NPAS2: variants seen among roughly 807,000 people sequenced by gnomAD.
NPAS2 encodes neuronal PAS domain protein 2, also known as neuronal PAS domain-containing protein 2.
A neutral mutation model predicts 107.5 loss-of-function variants in NPAS2; 23 were observed. The ratio of observed to expected loss-of-function variants is 0.21; its 90% confidence interval spans 0.15 to 0.30. NPAS2 has a LOEUF of 0.30. NPAS2 is among the 10% of genes least tolerant of loss of function. The pLI is 1.00. For missense variants in NPAS2, 756 were observed against 1,043.3 expected, an observed-to-expected ratio of 0.72 and a Z score of 3.79; for synonymous variants, 403 against 417.5, an observed-to-expected ratio of 0.97 and a Z score of 0.42.
intron 1 of NPAS2, among the ~76,000 whole-genome samples, chr2:100,864,348 A>G (rs1206819372): frequency 2.0e-5 from 3 of 152,204 alleles, no homozygotes; most frequent in African/African-American, 4.8e-5. Context: ...GTATATTTAA[A>G]TTGCTCACAA....
At chr2:100,905,180 G>A (rs1682064671) in intron 2 of NPAS2, among the ~76,000 whole-genome samples, 1 of 152,088 alleles carries the variant, frequency 6.6e-6, no homozygotes, top group Non-Finnish European at 1.5e-5. Context: ...GCTCTGTCTG[G>A]CTTTGGATAA....
Position 100,908,479 on chromosome 2 carries a change from T to A in NPAS2, c.32+3693T>A, listed in dbSNP as rs555408286. Among the ~76,000 whole-genome samples the A allele has an allele frequency of 1.1e-4, 17 of 152,284 alleles. 2 individuals are homozygous for A. Among genetic ancestry groups the A allele is most frequent in the African/African-American group, 4.1e-4 (17 of 41,550 alleles). ...AGGGATTCAAATGCACACATCTGTT[T>A]CTAAAGTCTGGGCTCCTAACAGCGT... On this transcript the variant is annotated intron_variant, in intron 2 of 20. Coordinates refer to ENST00000335681, the MANE Select transcript of NPAS2 (RefSeq NM_002518.4).
At chr2:100,855,640 G>C (rs1678507732) in intron 1 of NPAS2, among the ~76,000 whole-genome samples, 1 of 152,168 alleles carries the variant, frequency 6.6e-6, no homozygotes, top group Admixed American at 6.5e-5. Context: ...TTGCTCTCAT[G>C]TTTATCTCCC....
At chr2:100,904,868 C>A in intron 2 of NPAS2, 82 bp downstream of exon 2, 4 of 1,018,964 alleles carry the variant, frequency 3.9e-6, no homozygotes, top group Non-Finnish European at 6.1e-6. Context: ...GGCTTTCACT[C>A]TGTGCAGGTG....
At chr2:100,923,260 A>G (rs1683350874) in intron 2 of NPAS2, among the ~76,000 whole-genome samples, 1 of 152,170 alleles carries the variant, frequency 6.6e-6, no homozygotes, top group Admixed American at 6.5e-5. Context: ...GGGGAGAGGC[A>G]GGAAAAGACC....
intron 5 of NPAS2, among the ~76,000 whole-genome samples, chr2:100,945,523 G>C (rs1225140426): frequency 6.6e-6 from 1 of 152,166 alleles, no homozygotes; most frequent in Non-Finnish European, 1.5e-5. Context: ...TCTTTAAAAT[G>C]CACGAGCAGT....
At chr2:100,915,822 G>A (rs1444641084) in intron 2 of NPAS2, among the ~76,000 whole-genome samples, 1 of 152,010 alleles carries the variant, frequency 6.6e-6, no homozygotes, top group Admixed American at 6.5e-5. Context: ...AATGACACTA[G>A]ATAGAAACTT....
At chr2:100,860,684 A>G (rs1406294093) in intron 1 of NPAS2, among the ~76,000 whole-genome samples, 2 of 151,900 alleles carry the variant, frequency 1.3e-5, no homozygotes, top group South Asian at 2.1e-4. Context: ...GGGTTTGTAG[A>G]TTTCTTTTAT....
At chr2:100,939,305 A>G (rs1394803525) in intron 5 of NPAS2, among the ~76,000 whole-genome samples, 3 of 152,064 alleles carry the variant, frequency 2.0e-5, no homozygotes, top group Non-Finnish European at 4.4e-5. Flanking sequence ...AATCTAACCT[A>G]ATCTGTCTCC....
intron 1 of NPAS2, among the ~76,000 whole-genome samples, chr2:100,833,918 G>A (rs368967871): frequency 4.1e-4 from 62 of 152,242 alleles, no homozygotes; most frequent in African/African-American, 1.4e-3. Flanking sequence ...GGTTTTCAAC[G>A]GAACCAGGAG....
Position 100,926,424 on chromosome 2 carries a change from C to T in NPAS2, c.181+1130C>T, listed in dbSNP as rs566321318. ...TATGAGGGTTCCAATTTCTCCACAT[C>T]CTTGGCAACACTTATTACTGTCTTC... is the stretch of plus-strand genomic sequence containing the variant. On this transcript the variant is annotated intron_variant, in intron 3 of 20. Transcript: ENST00000335681. 1.1e-3 allele frequency among the ~76,000 whole-genome samples: 171 copies of T among 152,320 alleles called. 1 individual carries two copies. Among genetic ancestry groups the T allele is most frequent in the African/African-American group, 3.8e-3 (160 of 41,570 alleles).
At chr2:100,868,160 A>G in intron 1 of NPAS2, among the ~76,000 whole-genome samples, 1 of 152,166 alleles carries the variant, frequency 6.6e-6, no homozygotes, top group East Asian at 1.9e-4. Flanking sequence ...CCTCAAGGGC[A>G]TTATTTAGAT....
intron 1 of NPAS2, among the ~76,000 whole-genome samples, chr2:100,826,719 C>T (rs539087020): frequency 6.9e-6 from 1 of 145,206 alleles, no homozygotes; most frequent in Non-Finnish European, 1.5e-5. Flanking sequence ...ATTATTAGGC[C>T]TGGGTAAAGG....
chr2:100,877,677 C>T (rs548402523), intron 1 of NPAS2, among the ~76,000 whole-genome samples: 3 of 152,220 alleles, frequency 2.0e-5, no homozygotes, highest in Non-Finnish European at 2.9e-5. Context: ...GCACCATGTG[C>T]ATTTTCTGAT....
intron 1 of NPAS2, among the ~76,000 whole-genome samples, chr2:100,902,835 C>T (rs899020349): frequency 1.3e-5 from 2 of 152,130 alleles, no homozygotes; most frequent in African/African-American, 2.4e-5. Flanking sequence ...AGCTTAGAGG[C>T]CCTCTCCTCA....
chr2:100,826,315 G>A (rs1185721853), intron 1 of NPAS2, among the ~76,000 whole-genome samples: 1 of 152,166 alleles, frequency 6.6e-6, no homozygotes, highest in Non-Finnish European at 1.5e-5. Context: ...GGTGGCACAT[G>A]TCTGTAATCC....
intron 1 of NPAS2, among the ~76,000 whole-genome samples, chr2:100,903,535 A>G (rs1419700906): frequency 6.6e-6 from 1 of 152,238 alleles, no homozygotes; most frequent in Non-Finnish European, 1.5e-5. Flanking sequence ...AGAAAGATTG[A>G]TTGGCTCCAT....
chr2:100,853,773 A>G (rs1022913976), intron 1 of NPAS2, among the ~76,000 whole-genome samples: 3 of 152,118 alleles, frequency 2.0e-5, no homozygotes. Context: ...GGAGCCGTTC[A>G]GCCTTCTGGC....
At chr2:100,904,860 C>A in intron 2 of NPAS2, 74 bp downstream of exon 2, 1 of 1,123,240 alleles carries the variant, frequency 8.9e-7, no homozygotes, top group Non-Finnish European at 1.3e-6. Context: ...ATCTCGCTGG[C>A]TTTCACTCTG....
Sources: gnomAD v4.1 joint callset for allele counts (sites outside exome capture counted in the v4.1 genomes callset) on GRCh38, gnomAD v4.1.1 for gene constraint, MANE v1.5 for transcripts, NCBI Gene and HGNC (gene_info 2026-07-23, HGNC 2026-07-21) for gene names.